GFRA2: variants seen among roughly 807,000 people sequenced by gnomAD.
GFRA2 encodes GDNF family receptor alpha-2.
GFRA2 carries 17 observed loss-of-function variants against 48.3 expected under a neutral mutation model. That is an observed-to-expected ratio of 0.35 (90% confidence interval 0.24 to 0.53). GFRA2 has a LOEUF of 0.53. Ranked by LOEUF, GFRA2 falls within the 20% of genes least tolerant of loss-of-function variation. GFRA2 has a pLI of 0.93. For synonymous variants in GFRA2, 305 were observed against 257.2 expected (o/e 1.19, Z -1.78); for missense variants, 660 against 637.3 (o/e 1.04, Z -0.38).
chr8:21,795,622 G>A (rs1380910928), intron 2 of GFRA2, among the ~76,000 whole-genome samples: 15 of 152,052 alleles, frequency 9.9e-5, no homozygotes, highest in Non-Finnish European at 1.9e-4. Flanking sequence ...CGAACTCTCA[G>A]CCTCAGGTGA....
chr8:21,718,871 C>T (rs1000959855), intron 4 of GFRA2, among the ~76,000 whole-genome samples: 5 of 152,150 alleles, frequency 3.3e-5, no homozygotes, highest in Non-Finnish European at 5.9e-5. Context: ...TCTGGTTTTT[C>T]CCTTCTGCCG....
chr8:21,789,693 G>C (rs1402588981), upstream of GFRA2, among the ~76,000 whole-genome samples: 2 of 151,832 alleles, frequency 1.3e-5, no homozygotes, highest in Non-Finnish European at 2.9e-5. Context: ...CGCGGACCTC[G>C]GGAACTTTGC....
At chr8:21,805,542 A>G (rs546312540) in intron 1 of GFRA2, among the ~76,000 whole-genome samples, 95 of 152,230 alleles carry the variant, frequency 6.2e-4, no homozygotes, top group Non-Finnish European at 1.1e-3. Flanking sequence ...AGTTTATACA[A>G]TCTGATGCTC....
At chr8:21,741,485 G>A (rs1393103204) in intron 4 of GFRA2, among the ~76,000 whole-genome samples, 1 of 152,030 alleles carries the variant, frequency 6.6e-6, no homozygotes, top group Non-Finnish European at 1.5e-5. Flanking sequence ...CTAGATGCTT[G>A]TCTGTGTGCT....
At chr8:21,730,535 C>T (rs1042914437) in intron 4 of GFRA2, among the ~76,000 whole-genome samples, 1 of 152,156 alleles carries the variant, frequency 6.6e-6, no homozygotes, top group African/African-American at 2.4e-5. Flanking sequence ...TTGAGCCTTC[C>T]ATGGCAATGC....
intron 4 of GFRA2, among the ~76,000 whole-genome samples, chr8:21,721,021 G>GGGGAAGGGAAGGGAGGGGA (rs1803567767): frequency 6.6e-6 from 1 of 151,204 alleles, no homozygotes; most frequent in Non-Finnish European, 1.5e-5. Context: ...GGGGAGGGGA[G>GGGGAAGGGAAGGGAGGGGA]GGGAAGGGAA....
chr8:21,786,436 C>T (rs371210308), intron 1 of GFRA2, among the ~76,000 whole-genome samples: 1,534 of 152,108 alleles, frequency 0.01, 21 homozygotes, highest in African/African-American at 0.034. Flanking sequence ...ATTTTTTTTT[C>T]ACCTTGGCCC....
intron 3 of GFRA2, among the ~76,000 whole-genome samples, chr8:21,754,669 C>T (rs553675185): frequency 7.2e-5 from 11 of 152,160 alleles, no homozygotes; most frequent in East Asian, 3.9e-4. Flanking sequence ...CCACTATACC[C>T]GGCTAATTTT....
chr8:21,771,327 A>G (rs1806428441), intron 3 of GFRA2, among the ~76,000 whole-genome samples: 1 of 152,238 alleles, frequency 6.6e-6, no homozygotes, highest in African/African-American at 2.4e-5. Context: ...AATTGCTAGA[A>G]ACAGGACAAA....
intron 3 of GFRA2, among the ~76,000 whole-genome samples, chr8:21,756,991 G>A (rs906225985): frequency 3.3e-5 from 5 of 152,172 alleles, no homozygotes; most frequent in African/African-American, 4.8e-5. Context: ...AAGGGAGAGG[G>A]AGGCGGGATT....
rs201515239 is a variant in GFRA2 at position 21,750,107 on chromosome 8, A to ACACACACACACACACACG, written c.794+480_794+481insCGTGTGTGTGTGTGTGTG. ...TGTGTATACACACACACACACACACACACGCACATATATAGGTAGAGACTG... is the reference window on the plus strand; with the variant it reads ...TGTGTATACACACACACACACACACACACACACACACACACACGCACGCACATATATAGGTAGAGACTG... On this transcript the variant is annotated intron_variant, in intron 4 of 8. Coordinates refer to ENST00000524240, the MANE Select transcript of GFRA2 (RefSeq NM_001495.5). The surrounding 1 kb of genome is among the most constrained non-coding windows in gnomAD (Gnocchi z 5.7). Among the ~76,000 whole-genome samples, 123 of 150,750 alleles carry ACACACACACACACACACG rather than the reference A, an allele frequency of 8.2e-4. No individual in the cohort carries two copies. The highest frequency in any genetic ancestry group is 1.8e-3 in the African/African-American group (72 of 40,948).
intron 2 of GFRA2, among the ~76,000 whole-genome samples, chr8:21,804,223 C>T (rs113874875): frequency 1.4e-4 from 19 of 134,870 alleles, no homozygotes; most frequent in Non-Finnish European, 6.2e-5. Flanking sequence ...CACACACACA[C>T]ACACACATGC....
chr8:21,742,754 C>T (rs958374054), intron 4 of GFRA2, among the ~76,000 whole-genome samples: 4 of 152,200 alleles, frequency 2.6e-5, no homozygotes, highest in Non-Finnish European at 5.9e-5. Flanking sequence ...TGACCTGCCA[C>T]GAATGGGTCA....
chr8:21,755,393 C>G (rs532395928), intron 3 of GFRA2, among the ~76,000 whole-genome samples: 99 of 152,198 alleles, frequency 6.5e-4, no homozygotes, highest in African/African-American at 2.3e-3. Context: ...AAAAAATAAG[C>G]CTTTTACTAC....
rs796351229 is a variant in GFRA2 at position 21,800,103 on chromosome 8, C to T, written c.-36+4914G>A. ...CCACCTTGGAAGACAGTCTTGTAAA[C>T]GGATCCTAAGGGAAGTGATCATCTA... On this transcript the variant is annotated intron_variant, in intron 2 of 10. Transcript: ENST00000517328. 1.0e-3 allele frequency among the ~76,000 whole-genome samples: 157 copies of T among 152,282 alleles called. 1 individual carries two copies. The highest frequency in any genetic ancestry group is 2.6e-3 in the African/African-American group (110 of 41,562).
intron 2 of GFRA2, among the ~76,000 whole-genome samples, chr8:21,801,462 A>G (rs1807768498): frequency 6.6e-6 from 1 of 152,152 alleles, no homozygotes; most frequent in East Asian, 1.9e-4. Flanking sequence ...GGCCTGAGAC[A>G]GGCACCGTTA....
chr8:21,787,832 G>C (rs1807358169), intron 1 of GFRA2, among the ~76,000 whole-genome samples: 1 of 152,176 alleles, frequency 6.6e-6, no homozygotes, highest in African/African-American at 2.4e-5. Flanking sequence ...CGCTATACTG[G>C]CGTGTGAGCG....
In GFRA2 at chr8:21,746,026, G is replaced by T. The variant is rs567308137; in HGVS notation, c.794+4562C>A. Among the ~76,000 whole-genome samples the T allele has an allele frequency of 4.3e-4, 66 of 152,316 alleles. 1 individual carries two copies. In the South Asian group the frequency reaches 0.012, roughly 28 times the overall value. On this transcript the variant is annotated intron_variant, in intron 4 of 8. Transcript: ENST00000524240. The stretch of plus-strand genomic sequence containing the variant: ...TCAACAGAATCAGAACCATAGACTT[G>T]TAAGACCTCGGGGTCCCTACAGATG...
chr8:21,712,994 G>A (rs188399787), intron 4 of GFRA2, among the ~76,000 whole-genome samples: 6 of 151,418 alleles, frequency 4.0e-5, no homozygotes, highest in Non-Finnish European at 7.4e-5. Context: ...GAGGGAGACC[G>A]TGGAAAGAGG....
Sources: allele counts gnomAD v4.1 joint callset (sites outside exome capture counted in the v4.1 genomes callset), GRCh38; gene constraint gnomAD v4.1.1; non-coding constraint Gnocchi (gnomAD v3.1); transcripts MANE v1.5; gene names NCBI Gene and HGNC (gene_info 2026-07-23, HGNC 2026-07-21).